THAP12: variants seen among roughly 807,000 people sequenced by gnomAD.
THAP12 encodes the protein 52 kDa repressor of the inhibitor of the protein kinase.
Under a neutral mutation model 63.0 loss-of-function variants are expected in THAP12, and 20 were observed. The ratio of observed to expected loss-of-function variants is 0.32; its 90% CI spans 0.22 to 0.46. The LOEUF is 0.46. Among genes scored for constraint, THAP12 ranks in the 20% least tolerant of loss-of-function variants. The pLI is 1.00. For missense variants in THAP12, 568 were observed against 908.2 expected, an observed-to-expected ratio of 0.63 and a Z score of 4.81; for synonymous variants, 264 against 328.4, an observed-to-expected ratio of 0.80 and a Z score of 2.12.
intron 1 of THAP12, among the ~76,000 whole-genome samples, chr11:76,379,078 C>G (rs1302965762): frequency 6.6e-6 from 1 of 152,070 alleles, no homozygotes; most frequent in African/African-American, 2.4e-5. Context: ...TTTGGGAGAC[C>G]GACACAGGAG....
intron 1 of THAP12, among the ~76,000 whole-genome samples, chr11:76,371,757 G>C (rs908622610): frequency 1.3e-5 from 2 of 150,002 alleles, no homozygotes; most frequent in Non-Finnish European, 3.0e-5. Context: ...ACCCTATCCT[G>C]CCAAATCCAA....
At chr11:76,380,628 T>G in intron 1 of THAP12, 120 bp downstream of exon 1, 1 of 736,164 alleles carries the variant, frequency 1.4e-6, no homozygotes, top group East Asian at 4.1e-5. Flanking sequence ...TCGACGGCAG[T>G]GCGCTGCGCC....
intron 1 of THAP12, among the ~76,000 whole-genome samples, 184 bp downstream of exon 1, chr11:76,380,564 C>T (rs1230833343): frequency 6.6e-6 from 1 of 152,146 alleles, no homozygotes; most frequent in Non-Finnish European, 1.5e-5. Context: ...GGTCCCCGGA[C>T]GCCCGCCCGC....
At position 76,363,572 on chromosome 11, in the gene THAP12, T is replaced by A. The variant is rs143115347; in HGVS notation, c.210+2280A>T. 6.7e-3 allele frequency among the ~76,000 whole-genome samples: 850 copies of A among 126,440 alleles called. 9 individuals are homozygous for A. Among genetic ancestry groups the A allele is most frequent in the African/African-American group, 0.025 (817 of 32,598 alleles). The allele number at this position is 126,440 out of a possible 152,430, so 82.9% of individuals were successfully genotyped here. A position where few individuals can be genotyped will look rare whatever the true frequency, so the allele number is the denominator to read the frequency against. On this transcript the variant is annotated intron_variant, in intron 2 of 4. Transcript: ENST00000260045. ...ACTCTTAAACATTTAGATACAGATA[T>A]CAGAAAATCCAGGGGTTTTTGTTTG...
Position 76,380,049 on chromosome 11 carries a change from T to C in THAP12, c.89+699A>G, listed in dbSNP as rs542851107. Among the ~76,000 whole-genome samples, 8 of 152,304 alleles carry C rather than the reference T, an allele frequency of 5.3e-5. No homozygotes were observed. In the South Asian group the frequency reaches 6.2e-4, roughly 12 times the overall value. ...TGAATGAACCAACAAGACAGGCCTA[T>C]GAAACATCTCAGCCTTTCAAACACA... On this transcript the variant is annotated intron_variant, in intron 1 of 4. Transcript: ENST00000260045.
rs1160194595 is a variant in THAP12, at chr11:76,360,340, A to G, written c.318+616T>C. 2.6e-5 allele frequency among the ~76,000 whole-genome samples: 4 copies of G among 152,138 alleles called. No homozygotes were observed. In the East Asian group the frequency reaches 7.7e-4, roughly 29 times the overall value. ...GAAGAAGGAAAAATAATAAAGCAAA[A>G]TAAGGGCCTTGCTAGTGGCAATGAT... On this transcript the variant is annotated intron_variant, in intron 3 of 4. Transcript: ENST00000260045.
intron 1 of THAP12, among the ~76,000 whole-genome samples, chr11:76,373,851 C>T (rs1006825025): frequency 2.0e-5 from 3 of 152,076 alleles, no homozygotes; most frequent in Non-Finnish European, 2.9e-5. Context: ...TTTTACCTAA[C>T]AACATTTATC....
At chr11:76,360,469 A>G (rs544484221) in intron 3 of THAP12, among the ~76,000 whole-genome samples, 7 of 152,390 alleles carry the variant, frequency 4.6e-5, no homozygotes, top group Non-Finnish European at 7.3e-5. Flanking sequence ...TCCAAGGAAC[A>G]TAAGAATATG....
intron 1 of THAP12, among the ~76,000 whole-genome samples, chr11:76,370,539 T>C (rs1173515139): frequency 1.3e-5 from 2 of 152,064 alleles, no homozygotes; most frequent in East Asian, 1.9e-4. Context: ...ACTTTTTGTA[T>C]TTTTTGTAGA....
intron 2 of THAP12, among the ~76,000 whole-genome samples, chr11:76,363,852 C>T (rs943249779): frequency 2.0e-5 from 3 of 152,096 alleles, no homozygotes; most frequent in Non-Finnish European, 2.9e-5. Context: ...ATGATCTGCC[C>T]GCCTCAGCCT....
chr11:76,360,167 T>C (rs996838406), intron 3 of THAP12, among the ~76,000 whole-genome samples: 2 of 152,176 alleles, frequency 1.3e-5, no homozygotes, highest in African/African-American at 4.8e-5. Flanking sequence ...ATAAAATATC[T>C]AAATAGAAAG....
intron 1 of THAP12, among the ~76,000 whole-genome samples, chr11:76,377,701 T>A (rs1357989024): frequency 2.0e-5 from 3 of 152,256 alleles, no homozygotes; most frequent in Non-Finnish European, 4.4e-5. Flanking sequence ...CTGCTATGAA[T>A]GTGTGTACAT....
At position 76,352,174 on chromosome 11, in the gene THAP12, G is replaced by A. The variant is rs1432595087; in HGVS notation, c.976C>T (p.Arg326Cys). Residue 326 changes from arginine to cysteine, a missense_variant, in exon 5 of 5, where the codon CGT becomes TGT. Transcript: ENST00000260045. ...CTAGAGACAATGTAAGCCTGGCCACGACAATACTCCATATTTAATCCCCAC... is the reference window on the plus strand; with the variant it reads ...CTAGAGACAATGTAAGCCTGGCCACAACAATACTCCATATTTAATCCCCAC... ...EKWGLNMEYC[R>C]GQAYIVSSGF... The A allele has an allele frequency of 2.5e-6, 4 of 1,609,924 alleles. No individual in the cohort carries two copies. Among genetic ancestry groups the A allele is most frequent in the Non-Finnish European group, 3.4e-6 (4 of 1,178,896 alleles).
Position 76,380,823 on chromosome 11 carries a change from CA to C in THAP12, c.13del (p.Cys5AlafsTer39). On this transcript the variant is annotated frameshift_variant, in exon 1 of 5. Transcript: ENST00000260045. LOFTEE classifies it high-confidence loss of function. ...CTTCCGCGTGCAGTTGGGGGCAGCG[CA>C]GAAGTTCGGCATCGTCGCCCGCCCG... Reference protein sequence around the residue: MPNFCAAPNCTRKST... With the variant: MPNFXAAPNCTRKST... 1 of 1,441,386 alleles carries C rather than the reference CA, an allele frequency of 6.9e-7. No homozygotes were observed. Among genetic ancestry groups the C allele is most frequent in the Non-Finnish European group, 9.2e-7 (1 of 1,088,282 alleles). The allele number at this position is 1,441,386 out of a possible 1,614,324, so 89.3% of individuals were successfully genotyped here. A position where few individuals can be genotyped will look rare whatever the true frequency, so the allele number is the denominator to read the frequency against.
chr11:76,370,011 G>A (rs1186367313), intron 1 of THAP12, among the ~76,000 whole-genome samples: 2 of 152,204 alleles, frequency 1.3e-5, no homozygotes, highest in African/African-American at 2.4e-5. Flanking sequence ...GTCTGGCTCC[G>A]CCTCAACACA....
intron 2 of THAP12, 118 bp from the exon 3 acceptor site, chr11:76,361,181 G>C (rs1453981023): frequency 1.6e-6 from 1 of 640,230 alleles, no homozygotes; most frequent in South Asian, 2.2e-5. Context: ...AAAGTATAGA[G>C]ACTTACAGAA....
At chr11:76,356,627 T>A (rs1946563015) in intron 3 of THAP12, 3 of 152,236 alleles carry the variant, frequency 2.0e-5, no homozygotes, top group Non-Finnish European at 4.4e-5. Flanking sequence ...ATGTACAGAC[T>A]TTTTTTCTCA....
chr11:76,371,055 C>G (rs1946670950), intron 1 of THAP12, among the ~76,000 whole-genome samples: 1 of 152,030 alleles, frequency 6.6e-6, no homozygotes, highest in Non-Finnish European at 1.5e-5. Context: ...TGGAATGACT[C>G]CCCAAATCCA....
intron 3 of THAP12, chr11:76,357,970 A>C (rs2134502286): frequency 6.6e-6 from 1 of 152,296 alleles, no homozygotes; most frequent in African/African-American, 2.4e-5. Context: ...ATAGTTCATA[A>C]GTACAACAAT....
Sources: gnomAD v4.1 joint callset for allele counts (sites outside exome capture counted in the v4.1 genomes callset) on GRCh38, gnomAD v4.1.1 for gene constraint, MANE v1.5 for transcripts, NCBI Gene and HGNC (gene_info 2026-07-23, HGNC 2026-07-21) for gene names.